EYS: variants seen among roughly 807,000 people sequenced by gnomAD.
The protein encoded by EYS is EGF-like photoreceptor maintenance factor.
In EYS, 250 loss-of-function variants were observed where a neutral mutation model predicts 282.1. The ratio of observed to expected loss-of-function variants is 0.89; its 90% CI spans 0.80 to 0.98. The LOEUF (loss-of-function observed/expected upper bound fraction) is 0.98, where lower values mean the gene tolerates loss of function less well. Ranked by LOEUF, EYS falls within the 50% of genes least tolerant of loss-of-function variation. The pLI is 0.00. For synonymous variants in EYS, 1,355 were observed against 1,282.9 expected, an observed-to-expected ratio of 1.06 and a Z score of -1.20; for missense variants, 4,016 against 3,709.0, an observed-to-expected ratio of 1.08 and a Z score of -2.15.
chr6:64,672,887 C>A (rs1191799790), intron 22 of EYS, among the ~76,000 whole-genome samples: 2 of 152,150 alleles, frequency 1.3e-5, no homozygotes, highest in Non-Finnish European at 2.9e-5. Context: ...ATAACCCTCA[C>A]AGGGAAATGA....
chr6:63,780,613 A>C (rs1693865890), intron 39 of EYS, among the ~76,000 whole-genome samples: 1 of 150,506 alleles, frequency 6.6e-6, no homozygotes, highest in South Asian at 2.1e-4. Context: ...TTTTCTTGTA[A>C]ATTTGTTTAA....
intron 12 of EYS, among the ~76,000 whole-genome samples, chr6:65,209,252 G>GT (rs1013721999): frequency 5.8e-4 from 85 of 145,806 alleles, no homozygotes; most frequent in South Asian, 2.0e-3. Flanking sequence ...GTGTGGGGAA[G>GT]TTTTTTTTTT....
chr6:64,035,672 G>A (rs771331109), intron 33 of EYS, among the ~76,000 whole-genome samples: 1 of 152,200 alleles, frequency 6.6e-6, no homozygotes, highest in Admixed American at 6.5e-5. Flanking sequence ...ATGACAGTAA[G>A]AGGACAACCT....
intron 2 of EYS, among the ~76,000 whole-genome samples, chr6:65,581,257 G>A (rs1582480759): frequency 6.6e-6 from 1 of 152,088 alleles, no homozygotes; most frequent in Admixed American, 6.6e-5. Context: ...TGTAGACTAG[G>A]ACTGGTTCAA....
chr6:65,535,933 C>A (rs796187987), intron 2 of EYS, among the ~76,000 whole-genome samples: 8 of 152,026 alleles, frequency 5.3e-5, no homozygotes, highest in African/African-American at 1.9e-4. Context: ...AGGTGTCTAG[C>A]CCCTACCACA....
At chr6:63,871,657 A>T (rs1772808393) in intron 35 of EYS, among the ~76,000 whole-genome samples, 1 of 151,990 alleles carries the variant, frequency 6.6e-6, no homozygotes, top group African/African-American at 2.4e-5. Flanking sequence ...GTGAGACTCC[A>T]TCTCAAAAAG....
At chr6:65,278,341 C>CTATATATA (rs1347718398) in intron 12 of EYS, among the ~76,000 whole-genome samples, 3 of 145,462 alleles carry the variant, frequency 2.1e-5, no homozygotes, top group Non-Finnish European at 3.0e-5. Flanking sequence ...TATATAGAAT[C>CTATATATA]TATATATTCT....
chr6:64,078,723 A>G (rs993357642), intron 32 of EYS, among the ~76,000 whole-genome samples: 14 of 152,086 alleles, frequency 9.2e-5, no homozygotes, highest in African/African-American at 3.4e-4. Flanking sequence ...TTTCTTACCA[A>G]TAATTTCTAG....
intron 11 of EYS, among the ~76,000 whole-genome samples, chr6:65,318,770 T>A (rs1041602824): frequency 6.6e-6 from 1 of 150,778 alleles, no homozygotes; most frequent in Non-Finnish European, 1.5e-5. Flanking sequence ...ACCACTGAAG[T>A]AGCTGGGACA....
At chr6:64,514,465 A>T (rs1306394863) in intron 26 of EYS, among the ~76,000 whole-genome samples, 1 of 151,850 alleles carries the variant, frequency 6.6e-6, no homozygotes, top group Non-Finnish European at 1.5e-5. Context: ...TGGCCTTGTG[A>T]CCTAAGCATG....
At chr6:63,988,400 A>G (rs948304278) in intron 34 of EYS, among the ~76,000 whole-genome samples, 1 of 151,596 alleles carries the variant, frequency 6.6e-6, no homozygotes, top group South Asian at 2.1e-4. Flanking sequence ...CTATAGAGCT[A>G]TCAATGATTT....
chr6:64,534,242 C>T (rs945328814), intron 26 of EYS, among the ~76,000 whole-genome samples: 2 of 151,754 alleles, frequency 1.3e-5, no homozygotes, highest in African/African-American at 4.8e-5. Context: ...TATTTATTTT[C>T]TTCTTTCTTG....
intron 19 of EYS, among the ~76,000 whole-genome samples, chr6:64,825,077 A>G (rs999735178): frequency 1.3e-5 from 2 of 151,660 alleles, no homozygotes; most frequent in Non-Finnish European, 2.9e-5. Flanking sequence ...ACTTACATTG[A>G]CCTCCTTATA....
intron 26 of EYS, among the ~76,000 whole-genome samples, chr6:64,453,429 C>T (rs1157702524): frequency 6.6e-6 from 1 of 152,144 alleles, no homozygotes; most frequent in African/African-American, 2.4e-5. Flanking sequence ...CTAGTTCAAC[C>T]ATTGTGGAAG....
chr6:64,771,082 T>C (rs1773510200), intron 22 of EYS, among the ~76,000 whole-genome samples: 1 of 151,732 alleles, frequency 6.6e-6, no homozygotes. Flanking sequence ...GATTCCAGGA[T>C]ATCTCTCATT....
chr6:64,647,289 T>C (rs9452282), intron 22 of EYS, among the ~76,000 whole-genome samples: 29,657 of 151,884 alleles, frequency 0.2, 3,418 homozygotes, highest in East Asian at 0.35. Flanking sequence ...CTGAGAAAGG[T>C]CAAAATTAAT....
chr6:64,726,516 A>C (rs565486643), intron 22 of EYS, among the ~76,000 whole-genome samples: 1 of 152,284 alleles, frequency 6.6e-6, no homozygotes, highest in South Asian at 2.1e-4. Context: ...TATATTGTTT[A>C]AAGTTCTGTC....
At chr6:64,393,352 C>A (rs751583418) in intron 28 of EYS, among the ~76,000 whole-genome samples, 18 of 152,180 alleles carry the variant, frequency 1.2e-4, no homozygotes, top group Non-Finnish European at 2.5e-4. Context: ...AGACCAATAT[C>A]CTTGATGAAC....
intron 24 of EYS, among the ~76,000 whole-genome samples, chr6:64,609,128 G>A (rs1034782717): frequency 1.3e-5 from 2 of 152,156 alleles, no homozygotes; most frequent in African/African-American, 4.8e-5. Flanking sequence ...GATAGTGAGG[G>A]AGCCTGTGCA....
Sources: gnomAD v4.1 joint callset for allele counts (sites outside exome capture counted in the v4.1 genomes callset) on GRCh38, gnomAD v4.1.1 for gene constraint, MANE v1.5 for transcripts, NCBI Gene and HGNC (gene_info 2026-07-23, HGNC 2026-07-21) for gene names.